The following ADGRV1 variants were observed in gnomAD, a reference collection of about 807,000 sequenced individuals.
ADGRV1 encodes the protein G-protein coupled receptor 98.
A neutral mutation model predicts 596.2 loss-of-function variants in ADGRV1; 359 were observed. The ratio of observed to expected loss-of-function variants is 0.60; its 90% CI spans 0.55 to 0.66. ADGRV1 has a LOEUF of 0.66. Among genes scored for constraint, ADGRV1 ranks in the 30% least tolerant of loss-of-function variants. The pLI is 0.00. For missense variants in ADGRV1, 7,274 were observed against 7,575.6 expected (o/e 0.96, Z 1.48); for synonymous variants, 2,681 against 2,679.2 (o/e 1.00, Z -0.02).
chr5:91,029,619 C>T (rs895760724), intron 85 of ADGRV1, among the ~76,000 whole-genome samples: 2 of 152,188 alleles, frequency 1.3e-5, no homozygotes, highest in Non-Finnish European at 2.9e-5. Flanking sequence ...ACAGCTTCAC[C>T]AACACATGGT....
At chr5:90,568,825 C>T (rs975182344) in intron 1 of ADGRV1, among the ~76,000 whole-genome samples, 1 of 152,134 alleles carries the variant, frequency 6.6e-6, no homozygotes, top group Non-Finnish European at 1.5e-5. Context: ...ACAATTGTTA[C>T]ATCTTTCTGA....
Position 90,703,684 on chromosome 5 carries a change from T to A in ADGRV1, c.8175T>A (p.His2725Gln). 1.2e-6 allele frequency: 2 copies of A among 1,601,324 alleles called. No homozygotes were observed. Among genetic ancestry groups the A allele is most frequent in the Non-Finnish European group, 1.7e-6 (2 of 1,171,792 alleles). Residue 2725 changes from histidine to glutamine, a missense_variant, in exon 35 of 90, where the codon CAT (histidine) becomes CAA (glutamine). By Grantham distance (24) the His-to-Gln change is conservative. Around this residue, in one of 5 missense-constraint regions of ADGRV1, gnomAD observed 3,643 missense variants for 3,809.2 expected, o/e 0.96. Transcript: ENST00000405460. Reference protein sequence around the residue: ...IGHEGEILQFHVIRTFPGRGN... With the variant: ...IGHEGEILQFQVIRTFPGRGN... ...TTGCAGGAGAAATTTTACAATTCCA[T>A]GTGATAAGAACTTTCCCTGGTCGAG...
intron 59 of ADGRV1, among the ~76,000 whole-genome samples, chr5:90,765,050 G>A (rs903077365): frequency 1.5e-4 from 23 of 152,088 alleles, no homozygotes; most frequent in Non-Finnish European, 3.1e-4. Context: ...AAGCTCCTTG[G>A]GGGTCAATCT....
At chr5:91,062,800 G>C (rs1787557589) in intron 85 of ADGRV1, among the ~76,000 whole-genome samples, 1 of 151,964 alleles carries the variant, frequency 6.6e-6, no homozygotes, top group Admixed American at 6.5e-5. Context: ...TCTTCAGGCT[G>C]TTGTGACCAC....
intron 85 of ADGRV1, chr5:91,031,014 C>G: frequency 6.7e-7 from 1 of 1,488,322 alleles, no homozygotes; most frequent in South Asian, 1.4e-5. Context: ...GTCTGCTGAT[C>G]TGATTAGAAA....
Position 90,676,157 on chromosome 5 carries a change from T to C in ADGRV1, c.5391T>C (p.Ile1797=). 1 of 1,608,158 alleles carries C rather than the reference T, an allele frequency of 6.2e-7. No individual in the cohort carries two copies. Among genetic ancestry groups the C allele is most frequent in the South Asian group, 1.1e-5 (1 of 89,920 alleles). ...YIFINITDNS[I]PELEKSFKVE... ...TCATAAACATCACTGATAATTCTAT[T>C]CCTGAACTGGAAAAATCTTTTAAAG... The change falls in exon 25 of 90, where the codon ATT becomes ATC. Residue 1797 remains isoleucine (I), a synonymous_variant. Transcript: ENST00000405460.
At chr5:90,764,502 G>A (rs929724120) in intron 59 of ADGRV1, among the ~76,000 whole-genome samples, 1 of 152,328 alleles carries the variant, frequency 6.6e-6, no homozygotes, top group Middle Eastern at 3.4e-3. Context: ...GTCTGCAACA[G>A]TCTAGAGTGG....
At chr5:90,657,161 C>T (rs973572441) in intron 20 of ADGRV1, among the ~76,000 whole-genome samples, 4 of 150,982 alleles carry the variant, frequency 2.6e-5, no homozygotes, top group East Asian at 4.0e-4. Context: ...CCTGTAATTG[C>T]GCCTCAAGCG....
chr5:91,063,542 A>G (rs1184372819), intron 85 of ADGRV1, among the ~76,000 whole-genome samples: 2 of 152,220 alleles, frequency 1.3e-5, no homozygotes, highest in African/African-American at 4.8e-5. Context: ...TGTTAACATC[A>G]TTTTGGAACA....
intron 83 of ADGRV1, among the ~76,000 whole-genome samples, chr5:90,935,696 A>G (rs1313984117): frequency 6.6e-6 from 1 of 152,190 alleles, no homozygotes; most frequent in Admixed American, 6.5e-5. Context: ...TAACTCTGGT[A>G]TGTGTTCAGC....
intron 85 of ADGRV1, among the ~76,000 whole-genome samples, chr5:90,993,437 G>A (rs894744714): frequency 1.1e-4 from 16 of 152,058 alleles, no homozygotes; most frequent in African/African-American, 1.4e-4. Flanking sequence ...CATTACAGGC[G>A]TGAGCCACCA....
intron 52 of ADGRV1, among the ~76,000 whole-genome samples, chr5:90,747,420 T>C (rs1754747472): frequency 6.6e-6 from 1 of 152,110 alleles, no homozygotes; most frequent in East Asian, 1.9e-4. Context: ...TCCATGGCTA[T>C]GATTTATTAC....
At chr5:90,796,530 C>A (rs1760735461) in intron 70 of ADGRV1, among the ~76,000 whole-genome samples, 2 of 152,250 alleles carry the variant, frequency 1.3e-5, no homozygotes, top group Admixed American at 1.3e-4. Context: ...GAGAATGGAA[C>A]CAAGTTGGAA....
intron 78 of ADGRV1, 21 bp downstream of exon 78, chr5:90,841,006 G>A (rs1479682421): frequency 2.8e-6 from 4 of 1,404,204 alleles, no homozygotes; most frequent in Non-Finnish European, 3.7e-6. Context: ...GTGAATATTA[G>A]TAATTTGTTT....
At position 90,592,378 on chromosome 5, in the gene ADGRV1, G is replaced by C. The variant is rs148003868; in HGVS notation, c.23-22457G>C. On this transcript the variant is annotated intron_variant, in intron 1 of 89. Coordinates refer to ENST00000405460, the MANE Select transcript of ADGRV1 (RefSeq NM_032119.4). ...ACTCAGGAATGGAAAACCAAACATT[G>C]TATGTTCTCATTCATAAGTGGGAGC... Among the ~76,000 whole-genome samples the C allele has an allele frequency of 4.0e-3, 602 of 152,306 alleles. 2 individuals carry two copies. The highest frequency in any genetic ancestry group is 0.014 in the African/African-American group (584 of 41,554).
intron 85 of ADGRV1, among the ~76,000 whole-genome samples, chr5:91,067,115 C>T (rs149363467): frequency 1.3e-5 from 2 of 151,264 alleles, no homozygotes; most frequent in African/African-American, 4.9e-5. Flanking sequence ...TCAAGTCATC[C>T]TATAAGTAGG....
At chr5:90,751,164 A>G (rs533870822) in intron 53 of ADGRV1, among the ~76,000 whole-genome samples, 256 of 152,234 alleles carry the variant, frequency 1.7e-3, no homozygotes, top group Non-Finnish European at 3.0e-3. Flanking sequence ...GGACAGAAGG[A>G]TTTTGGGGAG....
At chr5:90,629,626 A>C (rs992291035) in intron 9 of ADGRV1, 87 bp downstream of exon 9, 1 of 1,018,258 alleles carries the variant, frequency 9.8e-7, no homozygotes, top group Non-Finnish European at 1.4e-6. Context: ...CATTATTTTG[A>C]CCTTGTTATT....
At chr5:90,972,572 G>A (rs1308367111) in intron 84 of ADGRV1, among the ~76,000 whole-genome samples, 1 of 152,010 alleles carries the variant, frequency 6.6e-6, no homozygotes, top group Non-Finnish European at 1.5e-5. Flanking sequence ...TCAACTACAT[G>A]GAAACTGAAC....
Sources: gnomAD v4.1 joint callset for allele counts (sites outside exome capture counted in the v4.1 genomes callset) on GRCh38, gnomAD v4.1.1 for gene constraint, gnomAD v4.1.1 regional missense constraint, MANE v1.5 for transcripts, NCBI Gene and HGNC (gene_info 2026-07-23, HGNC 2026-07-21) for gene names.